Variants in TPD52L1 observed in about 807,000 individuals in gnomAD.
TPD52L1 encodes the protein tumor protein D53.
In TPD52L1, 18 loss-of-function variants were observed where a neutral mutation model predicts 28.7. The ratio of observed to expected loss-of-function variants is 0.63; its 90% CI spans 0.43 to 0.93. The LOEUF (loss-of-function observed/expected upper bound fraction) is 0.93, where lower values mean the gene tolerates loss of function less well. Ranked by LOEUF, TPD52L1 falls within the 40% of genes least tolerant of loss-of-function variation. The pLI is 0.00. For synonymous variants in TPD52L1, 75 were observed against 88.8 expected (o/e 0.84, Z 0.88); for missense variants, 203 against 254.8 (o/e 0.80, Z 1.39).
At chr6:125,206,233 G>A (rs1477306439) in intron 1 of TPD52L1, among the ~76,000 whole-genome samples, 1 of 152,094 alleles carries the variant, frequency 6.6e-6, no homozygotes, top group African/African-American at 2.4e-5. Context: ...TTTAGAGGAC[G>A]ATGTCTGAAA....
At chr6:125,222,571 T>A (rs922336707) in intron 2 of TPD52L1, among the ~76,000 whole-genome samples, 9 of 152,202 alleles carry the variant, frequency 5.9e-5, no homozygotes, top group African/African-American at 2.2e-4. Flanking sequence ...TTCCTCTCCC[T>A]ACTTTCCTCG....
At chr6:125,257,060 G>A in intron 5 of TPD52L1, 38 bp from the exon 6 acceptor site, 1 of 1,576,762 alleles carries the variant, frequency 6.3e-7, no homozygotes, top group Non-Finnish European at 8.7e-7. Flanking sequence ...AAGACAGCTA[G>A]GCCTTTGGAG....
chr6:125,225,578 A>G (rs1039262103), intron 2 of TPD52L1, among the ~76,000 whole-genome samples: 1 of 152,236 alleles, frequency 6.6e-6, no homozygotes, highest in African/African-American at 2.4e-5. Flanking sequence ...GGGCATAAAT[A>G]TTCATCCTAC....
intron 1 of TPD52L1, among the ~76,000 whole-genome samples, chr6:125,193,754 C>A (rs1330121354): frequency 6.6e-6 from 1 of 152,098 alleles, no homozygotes; most frequent in Non-Finnish European, 1.5e-5. Context: ...GTCCTCCTCT[C>A]CCAATTCCAG....
chr6:125,260,923 AG>A (rs1272466117), intron 6 of TPD52L1: 5 of 84,994 alleles, frequency 5.9e-5, no homozygotes, highest in South Asian at 3.8e-4. Flanking sequence ...GAAAGAAAGA[AG>A]AAAGAAAGAA....
intron 1 of TPD52L1, among the ~76,000 whole-genome samples, chr6:125,190,652 T>C (rs779362989): frequency 6.6e-6 from 1 of 152,224 alleles, no homozygotes; most frequent in Non-Finnish European, 1.5e-5. Flanking sequence ...TTTCTGCATC[T>C]AGATGGTCTC....
intron 1 of TPD52L1, among the ~76,000 whole-genome samples, chr6:125,159,699 A>G (rs1400729874): frequency 6.6e-6 from 1 of 152,176 alleles, no homozygotes; most frequent in Non-Finnish European, 1.5e-5. Context: ...TATGAGATGT[A>G]TTTCTTAAAT....
At chr6:125,256,997 TG>T in intron 5 of TPD52L1, 100 bp from the exon 6 acceptor site, 2 of 996,690 alleles carry the variant, frequency 2.0e-6, no homozygotes, top group Non-Finnish European at 1.5e-6. Context: ...GGTAGCTCTG[TG>T]GCAGAGGCCG....
At chr6:125,195,902 CTCA>C (rs770262583) in intron 1 of TPD52L1, among the ~76,000 whole-genome samples, 59 of 152,300 alleles carry the variant, frequency 3.9e-4, no homozygotes, top group Non-Finnish European at 7.1e-4. Context: ...TGCCCACTTG[CTCA>C]TCATATGCAT....
intron 3 of TPD52L1, among the ~76,000 whole-genome samples, chr6:125,243,999 A>G (rs1365156162): frequency 6.6e-6 from 1 of 152,116 alleles, no homozygotes; most frequent in Non-Finnish European, 1.5e-5. Flanking sequence ...TTCCCTCTTA[A>G]GGATTAGACT....
In TPD52L1 at chr6:125,172,529, T is replaced by TACATACATACATACATAC. The variant is rs1206570913; in HGVS notation, c.19+18560_19+18561insCATACATACATACATACA. On this transcript the variant is annotated intron_variant, in intron 1 of 6. Transcript: ENST00000534000. Reference sequence around the variant, plus strand: ...CTTTCATGCTATATATATATATATATATATATATATATATATATATATAAT... The same window carrying TACATACATACATACATAC: ...CTTTCATGCTATATATATATATATATACATACATACATACATACATATATATATATATATATATATAAT... Among the ~76,000 whole-genome samples, 18 of 84,954 alleles carry TACATACATACATACATAC rather than the reference T, an allele frequency of 2.1e-4. 1 individual carries two copies. The highest frequency in any genetic ancestry group is 9.0e-4 in the African/African-American group (18 of 20,108). The allele number at this position is 84,954 out of a possible 152,430, so 55.7% of individuals were successfully genotyped here. A position where few individuals can be genotyped will look rare whatever the true frequency, so the allele number is the denominator to read the frequency against.
At chr6:125,243,085 G>A (rs1334655255) in intron 3 of TPD52L1, among the ~76,000 whole-genome samples, 1 of 152,016 alleles carries the variant, frequency 6.6e-6, no homozygotes. Flanking sequence ...AAAATTCTTG[G>A]CTAATTGTCT....
rs1364672463 is a variant in TPD52L1 at position 125,263,340 on chromosome 6, T to A, written c.*378T>A. ...ATGTCCTTGAAGGCTGAATGAACAG[T>A]CCCTTTCAGTTCAGCAGATCAACAG... On this transcript the variant is annotated 3_prime_UTR_variant, in exon 7 of 7. Transcript: ENST00000534000. 1.6e-5 allele frequency: 3 copies of A among 193,472 alleles called. No homozygotes were observed. Among genetic ancestry groups the A allele is most frequent in the South Asian group, 1.1e-4 (1 of 9,418 alleles). 12.0% of individuals were successfully genotyped at this position (193,472 alleles called of 1,614,324 possible).
At chr6:125,172,152 CTTTCTTTTCTTTCTTTCTTT>C (rs1791414040) in intron 1 of TPD52L1, among the ~76,000 whole-genome samples, 5 of 51,300 alleles carry the variant, frequency 9.7e-5, no homozygotes, top group Admixed American at 3.9e-4. Flanking sequence ...TTCTTTCTTT[CTTTCTTTTCTTTCTTTCTTT>C]CTTTCTTTCT....
At chr6:125,179,493 A>T (rs1792045848) in intron 1 of TPD52L1, among the ~76,000 whole-genome samples, 1 of 152,204 alleles carries the variant, frequency 6.6e-6, no homozygotes, top group Non-Finnish European at 1.5e-5. Flanking sequence ...CACTCTATGA[A>T]TGCTAGTTTT....
intron 3 of TPD52L1, among the ~76,000 whole-genome samples, chr6:125,239,941 G>T (rs1796514779): frequency 6.6e-6 from 1 of 152,096 alleles, no homozygotes; most frequent in South Asian, 2.1e-4. Context: ...TTATCCTCTA[G>T]AATTTTTATA....
chr6:125,219,271 T>A (rs1020659033), intron 1 of TPD52L1, among the ~76,000 whole-genome samples: 5 of 152,214 alleles, frequency 3.3e-5, no homozygotes, highest in Non-Finnish European at 7.3e-5. Context: ...CTTTATATTT[T>A]AAATAAGAAG....
chr6:125,193,183 C>T (rs929192835), intron 1 of TPD52L1, among the ~76,000 whole-genome samples: 1 of 152,178 alleles, frequency 6.6e-6, no homozygotes, highest in Non-Finnish European at 1.5e-5. Context: ...TGAAAGCCAA[C>T]CACTTAAATG....
At chr6:125,256,233 C>T (rs1237506353) in intron 5 of TPD52L1, among the ~76,000 whole-genome samples, 1 of 151,942 alleles carries the variant, frequency 6.6e-6, no homozygotes, top group African/African-American at 2.4e-5. Flanking sequence ...ACCTGCAGTC[C>T]CAGCTACTCA....
Sources: allele counts gnomAD v4.1 joint callset (sites outside exome capture counted in the v4.1 genomes callset), GRCh38; gene constraint gnomAD v4.1.1; transcripts MANE v1.5; gene names NCBI Gene and HGNC (gene_info 2026-07-23, HGNC 2026-07-21).